The following RABGAP1L variants were observed in gnomAD, a reference collection of about 807,000 sequenced individuals.
The protein encoded by RABGAP1L is RAB GTPase activating protein 1 like.
A neutral mutation model predicts 137.7 loss-of-function variants in RABGAP1L; 63 were observed. The ratio of observed to expected loss-of-function variants is 0.46; its 90% confidence interval spans 0.37 to 0.56. The LOEUF is 0.56. Among genes scored for constraint, RABGAP1L ranks in the 20% least tolerant of loss-of-function variants. The pLI is 0.00. For synonymous variants in RABGAP1L, 431 were observed against 433.7 expected (o/e 0.99, Z 0.08); for missense variants, 1,095 against 1,244.0 (o/e 0.88, Z 1.80).
intron 13 of RABGAP1L, among the ~76,000 whole-genome samples, chr1:174,494,719 A>G (rs1660584606): frequency 6.6e-6 from 1 of 152,024 alleles, no homozygotes; most frequent in South Asian, 2.1e-4. Flanking sequence ...TCTTATACAT[A>G]TTTGCTCCGA....
At chr1:174,341,814 CA>C (rs1571302171) in intron 11 of RABGAP1L, among the ~76,000 whole-genome samples, 1 of 152,126 alleles carries the variant, frequency 6.6e-6, no homozygotes, top group East Asian at 1.9e-4. Flanking sequence ...AGAAATCTTA[CA>C]TATCTACATG....
chr1:174,655,741 C>A (rs1675921220), intron 14 of RABGAP1L, among the ~76,000 whole-genome samples: 1 of 152,060 alleles, frequency 6.6e-6, no homozygotes, highest in Non-Finnish European at 1.5e-5. Flanking sequence ...TCATTTTATT[C>A]AATGGATTGT....
chr1:174,295,959 A>G (rs59773424), intron 10 of RABGAP1L, among the ~76,000 whole-genome samples: 2,514 of 152,322 alleles, frequency 0.017, 70 homozygotes, highest in African/African-American at 0.058. Flanking sequence ...AGTAGATGAA[A>G]TCACCCAGAG....
intron 13 of RABGAP1L, among the ~76,000 whole-genome samples, chr1:174,540,533 C>T (rs1665298788): frequency 1.3e-5 from 2 of 152,148 alleles, no homozygotes; most frequent in African/African-American, 4.8e-5. Flanking sequence ...TTTCCCAGCA[C>T]CATTTATTAA....
intron 13 of RABGAP1L, among the ~76,000 whole-genome samples, chr1:174,550,983 C>CATATATATATACATAATAT (rs1422356201): frequency 1.2e-5 from 1 of 83,426 alleles, no homozygotes; most frequent in African/African-American, 9.8e-5. Flanking sequence ...TGTATATATA[C>CATATATATATACATAATAT]ATATATATAT....
At chr1:174,939,028 T>G (rs549837641) in intron 19 of RABGAP1L, among the ~76,000 whole-genome samples, 274 of 152,346 alleles carry the variant, frequency 1.8e-3, no homozygotes, top group Middle Eastern at 0.014. Flanking sequence ...TTTACTTGTG[T>G]TTGGCCAAGC....
At chr1:174,864,035 A>C (rs1023397314) in intron 19 of RABGAP1L, among the ~76,000 whole-genome samples, 1 of 152,218 alleles carries the variant, frequency 6.6e-6, no homozygotes, top group Non-Finnish European at 1.5e-5. Flanking sequence ...ATTTCTTTTT[A>C]ATGGTAAGCT....
intron 10 of RABGAP1L, among the ~76,000 whole-genome samples, chr1:174,293,544 T>C (rs1558106646): frequency 6.6e-6 from 1 of 152,200 alleles, no homozygotes; most frequent in Non-Finnish European, 1.5e-5. Context: ...ATAATAACTT[T>C]TACTAGTTGT....
At chr1:174,550,999 C>CACACATATAT (rs1349225848) in intron 13 of RABGAP1L, among the ~76,000 whole-genome samples, 18 of 86,348 alleles carry the variant, frequency 2.1e-4, no homozygotes, top group Admixed American at 1.4e-3. Context: ...TATATATACA[C>CACACATATAT]ATATATATAT....
intron 14 of RABGAP1L, among the ~76,000 whole-genome samples, chr1:174,640,406 C>T (rs1674435319): frequency 6.6e-6 from 1 of 152,038 alleles, no homozygotes; most frequent in Non-Finnish European, 1.5e-5. Flanking sequence ...ATTTGAACCA[C>T]AGTCTTTTAT....
chr1:174,219,737 A>G (rs1558041820), intron 2 of RABGAP1L, among the ~76,000 whole-genome samples: 1 of 152,156 alleles, frequency 6.6e-6, no homozygotes, highest in Admixed American at 6.5e-5. Context: ...AAATGTTTTT[A>G]AAGCATATCT....
intron 11 of RABGAP1L, among the ~76,000 whole-genome samples, chr1:174,331,535 A>G (rs896525028): frequency 6.6e-6 from 1 of 152,240 alleles, no homozygotes; most frequent in East Asian, 1.9e-4. Context: ...TTATGATAAA[A>G]CGCTCAACAT....
chr1:174,842,442 A>C (rs973844033), intron 19 of RABGAP1L, among the ~76,000 whole-genome samples: 3 of 152,198 alleles, frequency 2.0e-5, no homozygotes, highest in African/African-American at 7.2e-5. Context: ...AGAACCATAG[A>C]TCATATATTC....
chr1:174,600,422 C>T (rs1670321417), intron 13 of RABGAP1L, among the ~76,000 whole-genome samples: 1 of 152,200 alleles, frequency 6.6e-6, no homozygotes. Flanking sequence ...CAAAAGTCCA[C>T]AGTCCAAAGT....
At chr1:174,807,859 G>A (rs1192938272) in intron 18 of RABGAP1L, among the ~76,000 whole-genome samples, 2 of 152,048 alleles carry the variant, frequency 1.3e-5, no homozygotes, top group Non-Finnish European at 2.9e-5. Flanking sequence ...CACTTTGGGA[G>A]GCCTGGGTGG....
chr1:174,665,351 C>CTTTTCCTTTCCTT (rs1324231228), intron 14 of RABGAP1L, among the ~76,000 whole-genome samples: 1 of 151,826 alleles, frequency 6.6e-6, no homozygotes, highest in Non-Finnish European at 1.5e-5. Flanking sequence ...TTCCTTCCTT[C>CTTTTCCTTTCCTT]TTTTCCTTTC....
At chr1:174,338,341 G>A (rs1558144753) in intron 11 of RABGAP1L, among the ~76,000 whole-genome samples, 1 of 152,156 alleles carries the variant, frequency 6.6e-6, no homozygotes. Flanking sequence ...AGTGGCAATT[G>A]ACAGCATTCA....
At chr1:174,632,128 T>A (rs1294917756) in intron 13 of RABGAP1L, among the ~76,000 whole-genome samples, 23 of 127,128 alleles carry the variant, frequency 1.8e-4, no homozygotes, top group Admixed American at 1.8e-3. Flanking sequence ...GTCTGTAAAG[T>A]ATTTTATTTC....
intron 19 of RABGAP1L, among the ~76,000 whole-genome samples, chr1:174,816,147 C>CTT (rs67065448): frequency 0.031 from 2,674 of 86,066 alleles, 168 homozygotes; most frequent in Admixed American, 0.11. Context: ...TAATACATAG[C>CTT]TTTTTTTTTT....
Sources: allele counts gnomAD v4.1 joint callset (sites outside exome capture counted in the v4.1 genomes callset), GRCh38; gene constraint gnomAD v4.1.1; transcripts MANE v1.5; gene names NCBI Gene and HGNC (gene_info 2026-07-23, HGNC 2026-07-21).